RNF216: variants seen among roughly 807,000 people sequenced by gnomAD.
The protein encoded by RNF216 is ring finger protein 216, also known as E3 ubiquitin-protein ligase RNF216.
RNF216 carries 72 observed loss-of-function variants against 110.8 expected under a neutral mutation model. That is an observed-to-expected ratio of 0.65 (90% CI 0.54 to 0.79). The LOEUF is 0.79. Ranked by LOEUF, RNF216 falls within the 30% of genes least tolerant of loss-of-function variation. The pLI, the probability that RNF216 is intolerant of heterozygous loss-of-function variation, is 0.00. For synonymous variants in RNF216, 495 were observed against 407.5 expected (o/e 1.21, Z -2.59); for missense variants, 1,342 against 1,141.2 (o/e 1.18, Z -2.54).
chr7:5,669,606 G>A (rs1392399359), intron 13 of RNF216, among the ~76,000 whole-genome samples: 1 of 152,192 alleles, frequency 6.6e-6, no homozygotes, highest in African/African-American at 2.4e-5. Flanking sequence ...AACTGAGACT[G>A]TGTTGGCCAG....
intron 13 of RNF216, among the ~76,000 whole-genome samples, chr7:5,690,928 C>G (rs1190255323): frequency 1.8e-4 from 28 of 152,210 alleles, no homozygotes; most frequent in Admixed American, 1.8e-3. Context: ...AGACAACCTA[C>G]AGATGAGTCA....
At chr7:5,776,152 T>C (rs1796762523) in intron 1 of RNF216, among the ~76,000 whole-genome samples, 2 of 152,184 alleles carry the variant, frequency 1.3e-5, no homozygotes, top group Non-Finnish European at 2.9e-5. Context: ...TATGGAGAGC[T>C]GACTGTACTG....
At chr7:5,633,165 G>C (rs900257047) in intron 15 of RNF216, among the ~76,000 whole-genome samples, 3 of 151,926 alleles carry the variant, frequency 2.0e-5, no homozygotes, top group Non-Finnish European at 4.4e-5. Context: ...TTTTAGTAGA[G>C]ACGGGGTTTC....
At chr7:5,740,665 G>A (rs1425584162) in intron 4 of RNF216, among the ~76,000 whole-genome samples, 1 of 152,092 alleles carries the variant, frequency 6.6e-6, no homozygotes, top group African/African-American at 2.4e-5. Flanking sequence ...ACTGCTTTAA[G>A]GGTTTCCATT....
At chr7:5,631,750 C>A (rs1169233318) in intron 15 of RNF216, among the ~76,000 whole-genome samples, 1 of 152,170 alleles carries the variant, frequency 6.6e-6, no homozygotes, top group Non-Finnish European at 1.5e-5. Flanking sequence ...AACAACACAG[C>A]TAAAATCAGC....
At chr7:5,687,152 C>G (rs1791035970) in intron 13 of RNF216, among the ~76,000 whole-genome samples, 1 of 152,026 alleles carries the variant, frequency 6.6e-6, no homozygotes, top group Non-Finnish European at 1.5e-5. Context: ...TCCCAGCACT[C>G]TGGGAGGTTG....
intron 13 of RNF216, among the ~76,000 whole-genome samples, chr7:5,664,787 C>G (rs1054692731): frequency 6.6e-6 from 1 of 152,148 alleles, no homozygotes; most frequent in Admixed American, 6.6e-5. Context: ...AAAGGACACA[C>G]AAAATTCTTT....
chr7:5,679,997 C>T (rs1045808320), intron 13 of RNF216, among the ~76,000 whole-genome samples: 1 of 152,186 alleles, frequency 6.6e-6, no homozygotes, highest in African/African-American at 2.4e-5. Flanking sequence ...ATCATTACAT[C>T]CTCAGTCCTC....
Position 5,712,792 on chromosome 7 carries a change from G to A in RNF216, c.1905C>T (p.Pro635=), listed in dbSNP as rs1273656652. Residue 635 remains proline (P), a synonymous_variant, in exon 12 of 17, where the codon CCC becomes CCT. Coordinates refer to ENST00000389902, the MANE Select transcript of RNF216 (RefSeq NM_207111.4). ...CATAGTACTTATACAGGATGGTCTG[G>A]GGGAGCACCTTCTCCAGCTCACTGG... ...FPTSELEKVL[P]QTILYKYYER... is the part of the protein sequence containing the mutation. 1.9e-5 allele frequency: 31 copies of A among 1,613,936 alleles called. No homozygotes were observed. In the Admixed American group the frequency reaches 4.3e-4, roughly 23 times the overall value.
intron 13 of RNF216, among the ~76,000 whole-genome samples, chr7:5,681,488 T>C (rs1790646872): frequency 6.6e-6 from 1 of 152,144 alleles, no homozygotes; most frequent in Admixed American, 6.5e-5. Flanking sequence ...TGTGCCTCCC[T>C]CTCTAGTTTA....
chr7:5,736,516 G>C (rs1474317645), intron 5 of RNF216, among the ~76,000 whole-genome samples: 1 of 152,226 alleles, frequency 6.6e-6, no homozygotes, highest in Non-Finnish European at 1.5e-5. Context: ...AAAGTGCCGA[G>C]ATTTCAGCCT....
chr7:5,647,419 G>A (rs560278225), intron 14 of RNF216, among the ~76,000 whole-genome samples: 34 of 142,796 alleles, frequency 2.4e-4, no homozygotes, highest in Admixed American at 5.2e-4. Flanking sequence ...CTGCGGCCTC[G>A]AACTCCTGGG....
At chr7:5,715,482 G>C (rs1482437055) in intron 10 of RNF216, among the ~76,000 whole-genome samples, 1 of 152,064 alleles carries the variant, frequency 6.6e-6, no homozygotes, top group African/African-American at 2.4e-5. Flanking sequence ...GGTGCAAAGG[G>C]AACTAGAACA....
At chr7:5,768,322 T>C (rs1584610735) in intron 1 of RNF216, among the ~76,000 whole-genome samples, 1 of 78,730 alleles carries the variant, frequency 1.3e-5, no homozygotes, top group African/African-American at 4.8e-5. Flanking sequence ...CTGGGTCCAG[T>C]AGTGGGAGGC....
intron 15 of RNF216, among the ~76,000 whole-genome samples, chr7:5,638,997 T>C (rs754613099): frequency 1.8e-4 from 27 of 152,132 alleles, no homozygotes; most frequent in Non-Finnish European, 3.4e-4. Flanking sequence ...TTGAGGTGAA[T>C]AGACCATAGG....
intron 13 of RNF216, among the ~76,000 whole-genome samples, chr7:5,673,061 G>C (rs1411025412): frequency 6.6e-6 from 1 of 152,096 alleles, no homozygotes; most frequent in Admixed American, 6.5e-5. Context: ...ATCGACTCAG[G>C]GTGGTGGGGG....
chr7:5,626,996 C>T (rs897537037), intron 15 of RNF216, among the ~76,000 whole-genome samples: 3 of 152,168 alleles, frequency 2.0e-5, no homozygotes, highest in South Asian at 2.1e-4. Flanking sequence ...TAATCACAAC[C>T]AACAGGACTG....
intron 13 of RNF216, among the ~76,000 whole-genome samples, chr7:5,672,711 G>T: frequency 6.6e-6 from 1 of 151,194 alleles, no homozygotes; most frequent in East Asian, 1.9e-4. Context: ...CATGAGTCTG[G>T]AACAGAGAAG....
chr7:5,650,239 C>T (rs769146861), intron 14 of RNF216, among the ~76,000 whole-genome samples: 1 of 152,156 alleles, frequency 6.6e-6, no homozygotes, highest in African/African-American at 2.4e-5. Flanking sequence ...TTGGAATCAA[C>T]ATATATCACA....
Sources: gnomAD v4.1 joint callset for allele counts (sites outside exome capture counted in the v4.1 genomes callset) on GRCh38, gnomAD v4.1.1 for gene constraint, MANE v1.5 for transcripts, NCBI Gene and HGNC (gene_info 2026-07-23, HGNC 2026-07-21) for gene names.